REDIC1: variants seen among roughly 807,000 people sequenced by gnomAD.
REDIC1 encodes the protein regulator of DNA class I crossover intermediates 1.
the REDIC1 span, among the ~76,000 whole-genome samples, chr12:39,852,381 T>C: frequency 6.6e-6 from 1 of 152,216 alleles, no homozygotes; most frequent in Admixed American, 6.5e-5. Context: ...TTCTACAGTG[T>C]AACAAATGTA....
chr12:39,764,453 A>G, the REDIC1 span: 66 of 1,558,714 alleles, frequency 4.2e-5, no homozygotes, highest in African/African-American at 8.2e-4. Flanking sequence ...AAAAAATATT[A>G]TCTTACCATA....
chr12:39,758,241 A>G, the REDIC1 span: 1 of 151,794 alleles, frequency 6.6e-6, no homozygotes, highest in Non-Finnish European at 1.5e-5. Context: ...TGGTTAATGG[A>G]TTTTTAGGGC....
chr12:39,642,136 T>G, the REDIC1 span, among the ~76,000 whole-genome samples: 2 of 151,772 alleles, frequency 1.3e-5, no homozygotes, highest in Non-Finnish European at 3.0e-5. Context: ...TCTAGTTGTT[T>G]TTACCAAGTG....
the REDIC1 span, among the ~76,000 whole-genome samples, chr12:39,890,590 G>T: frequency 2.6e-5 from 4 of 152,148 alleles, no homozygotes; most frequent in Non-Finnish European, 4.4e-5. Flanking sequence ...ATACTAGACT[G>T]TAAGATAATT....
At chr12:39,782,282 A>G in the REDIC1 span, among the ~76,000 whole-genome samples, 1 of 152,154 alleles carries the variant, frequency 6.6e-6, no homozygotes, top group Non-Finnish European at 1.5e-5. Flanking sequence ...TTTGAATTGT[A>G]TCTCTCAGAA....
the REDIC1 span, among the ~76,000 whole-genome samples, chr12:39,790,416 G>T: frequency 9.5e-3 from 1,265 of 133,296 alleles, 20 homozygotes; most frequent in African/African-American, 0.035. Context: ...TTCCCTTCCT[G>T]TGTCCATGTG....
chr12:39,700,341 C>T, the REDIC1 span, among the ~76,000 whole-genome samples: 50 of 151,716 alleles, frequency 3.3e-4, no homozygotes, highest in South Asian at 1.5e-3. Flanking sequence ...AGGGTATCAG[C>T]GATGGAAGAT....
At chr12:39,828,583 G>A in the REDIC1 span, among the ~76,000 whole-genome samples, 1 of 152,010 alleles carries the variant, frequency 6.6e-6, no homozygotes, top group African/African-American at 2.4e-5. Context: ...TAATTTTAGT[G>A]TCTCTTTACT....
At chr12:39,712,446 A>G in the REDIC1 span, among the ~76,000 whole-genome samples, 3 of 46,076 alleles carry the variant, frequency 6.5e-5, no homozygotes, top group East Asian at 1.1e-3. Flanking sequence ...ACGTATATGT[A>G]TACATACGTA....
chr12:39,821,672 G>GA, the REDIC1 span, among the ~76,000 whole-genome samples: 1 of 152,146 alleles, frequency 6.6e-6, no homozygotes, highest in Non-Finnish European at 1.5e-5. Context: ...ACCGAAGAGG[G>GA]AAAAGAGGAC....
chr12:39,832,274 T>A, the REDIC1 span, among the ~76,000 whole-genome samples: 1 of 152,154 alleles, frequency 6.6e-6, no homozygotes, highest in African/African-American at 2.4e-5. Context: ...TATTTTGTTT[T>A]GTATTCTGCC....
the REDIC1 span, among the ~76,000 whole-genome samples, chr12:39,822,009 G>A: frequency 3.3e-5 from 5 of 151,560 alleles, no homozygotes; most frequent in Non-Finnish European, 5.9e-5. Context: ...ATGCTGGTGC[G>A]CTGCACACAC....
the REDIC1 span, among the ~76,000 whole-genome samples, chr12:39,896,252 GTATGTATATGTGTGTATATATGTATA>G: frequency 7.5e-4 from 63 of 84,418 alleles, no homozygotes; most frequent in Non-Finnish European, 1.4e-3. Flanking sequence ...ATGTATACAT[GTATGTATATGTGTGTATATATGTATA>G]CATGTATGTA....
At chr12:39,666,955 CT>C in the REDIC1 span, among the ~76,000 whole-genome samples, 1 of 152,124 alleles carries the variant, frequency 6.6e-6, no homozygotes, top group Non-Finnish European at 1.5e-5. Context: ...ATTCTTCTCT[CT>C]TTTCTTCTTT....
chr12:39,816,302 T>A, the REDIC1 span, among the ~76,000 whole-genome samples: 1 of 151,630 alleles, frequency 6.6e-6, no homozygotes, highest in Non-Finnish European at 1.5e-5. Flanking sequence ...TGAGATGAGA[T>A]GAAAGGCCGT....
At chr12:39,674,562 T>A in the REDIC1 span, among the ~76,000 whole-genome samples, 19 of 151,942 alleles carry the variant, frequency 1.3e-4, no homozygotes, top group South Asian at 6.2e-4. Flanking sequence ...GCCAAAAAAT[T>A]CAGTTCCCAA....
the REDIC1 span, among the ~76,000 whole-genome samples, chr12:39,703,137 C>T: frequency 3.3e-5 from 5 of 151,954 alleles, no homozygotes; most frequent in South Asian, 2.1e-4. Flanking sequence ...AAAGAGGAAG[C>T]CAAATTGTCC....
chr12:39,827,926 T>C, the REDIC1 span, among the ~76,000 whole-genome samples: 1 of 152,146 alleles, frequency 6.6e-6, no homozygotes. Flanking sequence ...TATATGGCTA[T>C]GGATTGCCTC....
At chr12:39,713,715 G>A in the REDIC1 span, among the ~76,000 whole-genome samples, 1 of 145,188 alleles carries the variant, frequency 6.9e-6, no homozygotes, top group Non-Finnish European at 1.5e-5. Context: ...ATTTATGTAT[G>A]CCTGTATACA....
Sources: gnomAD v4.1 joint callset for allele counts (sites outside exome capture counted in the v4.1 genomes callset) on GRCh38, gnomAD v4.1.1 for gene constraint, MANE v1.5 for transcripts, NCBI Gene and HGNC (gene_info 2026-07-23, HGNC 2026-07-21) for gene names.